The following MUL1 variants were observed in gnomAD, a reference collection of about 807,000 sequenced individuals.
MUL1 encodes mitochondrial ubiquitin ligase activator of NFKB 1.
Under a neutral mutation model 34.1 loss-of-function variants are expected in MUL1, and 30 were observed. The ratio of observed to expected loss-of-function variants is 0.88; its 90% CI spans 0.66 to 1.19. The LOEUF (loss-of-function observed/expected upper bound fraction) is 1.19, where lower values mean the gene tolerates loss of function less well. Ranked by LOEUF, MUL1 falls within the 50% of genes most tolerant of loss-of-function variation. The pLI is 0.00. For missense variants in MUL1, 419 were observed against 450.5 expected (o/e 0.93, Z 0.63); for synonymous variants, 191 against 187.8 (o/e 1.02, Z -0.14).
At chr1:20,506,761 A>G (rs2051718186) in intron 1 of MUL1, among the ~76,000 whole-genome samples, 1 of 152,116 alleles carries the variant, frequency 6.6e-6, no homozygotes, top group Admixed American at 6.5e-5. Context: ...GAGGCAGGAA[A>G]ATCACTTGAA....
chr1:20,501,207 C>T lies in MUL1; in HGVS notation c.542G>A (p.Gly181Asp). 3 of 1,614,168 alleles carry T rather than the reference C, an allele frequency of 1.9e-6. No individual in the cohort carries two copies. The highest frequency in any genetic ancestry group is 8.5e-7 in the Non-Finnish European group (1 of 1,180,028). ...GHYISGERPK[G>D]IQETEEMLKV... The stretch of plus-strand genomic sequence containing the variant: ...CAGCATCTCCTCGGTCTCTTGGATG[C>T]CTTTGGGCCGCTCACCGCTGATGTA... Residue 181 changes from glycine to aspartate, a missense_variant, in exon 4 of 4, where the codon GGC (glycine) becomes GAC (aspartate). Physicochemically the swap from Gly to Asp is moderately conservative, Grantham distance 94. Coordinates refer to ENST00000264198, the MANE Select transcript of MUL1 (RefSeq NM_024544.3). This position sits in a 1 kb window ranked among gnomAD's most constrained non-coding sequence, Gnocchi z 4.2.
chr1:20,503,031 G>C (rs2051678939), intron 2 of MUL1, among the ~76,000 whole-genome samples, 191 bp downstream of exon 2: 1 of 152,084 alleles, frequency 6.6e-6, no homozygotes. Flanking sequence ...TTCGAGATCA[G>C]GCAACAGTGG....
At chr1:20,506,153 A>C (rs1007558079) in intron 1 of MUL1, among the ~76,000 whole-genome samples, 1 of 152,160 alleles carries the variant, frequency 6.6e-6, no homozygotes, top group African/African-American at 2.4e-5. Flanking sequence ...ATTAGTTTCT[A>C]AACCCTTACT....
chr1:20,503,382 A>C (rs751656858), intron 1 of MUL1, 73 bp from the exon 2 acceptor site: 58 of 851,690 alleles, frequency 6.8e-5, no homozygotes, highest in Non-Finnish European at 1.0e-4. Context: ...ACAGGCAAAA[A>C]AAAGAAAAAG....
intron 2 of MUL1, among the ~76,000 whole-genome samples, chr1:20,502,813 C>T (rs1276304300): frequency 6.6e-6 from 1 of 151,994 alleles, no homozygotes; most frequent in Non-Finnish European, 1.5e-5. Context: ...GGATTACAGG[C>T]ATGAGCTACC....
At chr1:20,507,872 C>G (rs770033353) in intron 1 of MUL1, 33 bp downstream of exon 1, 10 of 1,589,118 alleles carry the variant, frequency 6.3e-6, no homozygotes, top group African/African-American at 1.3e-5. Context: ...ACAGAGATGA[C>G]CCGGCTGAGG....
chr1:20,501,059 C>T lies in MUL1; in HGVS notation c.690G>A (p.Leu230=). 3.1e-6 allele frequency: 5 copies of T among 1,614,170 alleles called. No individual in the cohort carries two copies. Among genetic ancestry groups the T allele is most frequent in the Non-Finnish European group, 4.2e-6 (5 of 1,180,046 alleles). The change falls in exon 4 of 4, where the codon CTG becomes CTA. Residue 230 remains leucine, a synonymous_variant. Transcript: ENST00000264198. This position sits in a 1 kb window ranked among gnomAD's most constrained non-coding sequence, Gnocchi z 4.2. The stretch of plus-strand genomic sequence containing the variant: ...GCCTGACGCTCGACTCCTGCCTCTG[C>T]AGCAGGCTGTCGAAGTCCTGGCTGC... The part of the protein sequence containing the change: ...YLSSQDFDSL[L]QRQESSVRLW...
At position 20,503,158 on chromosome 1, in the gene MUL1, G is replaced by A; in HGVS notation, c.208+64C>T. On this transcript the variant is annotated intron_variant, in intron 2 of 3. Transcript: ENST00000264198. ...ACAAAAGGCTCTTCATATTAGCCAA[G>A]ATGATCTTTATCAATCTTTTGGGAA... is the stretch of plus-strand genomic sequence containing the variant. 5 of 1,207,928 alleles carry A rather than the reference G, an allele frequency of 4.1e-6. No individual in the cohort carries two copies. In the South Asian group the frequency reaches 6.6e-5, roughly 16 times the overall value. 74.8% of individuals were successfully genotyped at this position (1,207,928 alleles called of 1,614,324 possible).
At chr1:20,503,628 C>T (rs1278162763) in intron 1 of MUL1, among the ~76,000 whole-genome samples, 1 of 152,212 alleles carries the variant, frequency 6.6e-6, no homozygotes, top group East Asian at 1.9e-4. Flanking sequence ...TTACATACCA[C>T]AGACTGAACA....
chr1:20,503,393 ATTCT>A, intron 1 of MUL1, 84 bp from the exon 2 acceptor site: 1 of 797,034 alleles, frequency 1.3e-6, no homozygotes, highest in Non-Finnish European at 2.0e-6. Flanking sequence ...AAAGAAAAAG[ATTCT>A]ATTTTTTTCG....
rs1179465494 is a variant in MUL1, at chr1:20,499,664, C to T, written c.*1026G>A. 1 of 152,196 alleles carries T rather than the reference C, an allele frequency of 6.6e-6. No homozygotes were observed. The highest frequency in any genetic ancestry group is 1.5e-5 in the Non-Finnish European group (1 of 68,060). 9.4% of individuals were successfully genotyped at this position (152,196 alleles called of 1,614,324 possible). ...CATCTGTCTTGCACTAAAAGGCTCACCAAGGGCAGGTGAGGGGCAAATGGT... is the reference window on the plus strand; with the variant it reads ...CATCTGTCTTGCACTAAAAGGCTCATCAAGGGCAGGTGAGGGGCAAATGGT... On this transcript the variant is annotated 3_prime_UTR_variant, in exon 4 of 4. Coordinates refer to ENST00000264198, the MANE Select transcript of MUL1 (RefSeq NM_024544.3).
Position 20,501,013 on chromosome 1 carries a change from C to A in MUL1, c.736G>T (p.Val246Phe). ...GTGGCACATGTGGCAAAGCCAAAAA[C>A]CAGCGCCAGCACCTTCCAGAGCCTG... ...SVRLWKVLAL[V>F]FGFATCATLF... is the part of the protein sequence containing the mutation. The change falls in exon 4 of 4, where the codon GTT becomes TTT. Residue 246 changes from valine to phenylalanine, a missense_variant. Physicochemically the swap from Val to Phe is conservative, Grantham distance 50. Transcript: ENST00000264198. This position sits in a 1 kb window ranked among gnomAD's most constrained non-coding sequence, Gnocchi z 4.2. 1 of 1,614,084 alleles carries A rather than the reference C, an allele frequency of 6.2e-7. No individual in the cohort carries two copies. The highest frequency in any genetic ancestry group is 1.1e-5 in the South Asian group (1 of 91,090).
In MUL1 at chr1:20,500,866, T is replaced by C. The variant is rs767810635; in HGVS notation, c.883A>G (p.Arg295Gly). 6.2e-7 allele frequency: 1 copy of C among 1,614,182 alleles called. No homozygotes were observed. Among genetic ancestry groups the C allele is most frequent in the Non-Finnish European group, 8.5e-7 (1 of 1,180,018 alleles). The change falls in exon 4 of 4, where the codon AGG becomes GGG. Residue 295 changes from arginine to glycine, a missense_variant. Arg to Gly is a moderately radical substitution (Grantham distance 125, BLOSUM62 -2). Coordinates refer to ENST00000264198, the MANE Select transcript of MUL1 (RefSeq NM_024544.3). ...ACACAGGCGCTCTTCAGACTCTCCC[T>C]GTCCTCAGGCTTGGCTCGGCTCAGC... ...QLLSRAKPED[R>G]ESLKSACVVC...
In MUL1 at chr1:20,505,428, A is replaced by C. The variant is rs1460875360; in HGVS notation, c.121-2119T>G. 2.0e-5 allele frequency among the ~76,000 whole-genome samples: 3 copies of C among 151,958 alleles called. No homozygotes were observed. In the East Asian group the frequency reaches 5.8e-4, roughly 29 times the overall value. ...GCAAGACCCCATCTCTATGAAAAAT[A>C]AAAAATTAGCTGGAGGTGGTGGTGT... On this transcript the variant is annotated intron_variant, in intron 1 of 3. Coordinates refer to ENST00000264198, the MANE Select transcript of MUL1 (RefSeq NM_024544.3).
At position 20,502,164 on chromosome 1, in the gene MUL1, CG is replaced by C; in HGVS notation, c.233del (p.Thr78SerfsTer13). ...AGTTTTCCACAAACTGGCTGTTAAG[CG>C]TTTCTTTAACAGACCGCACAGCTCC... ...IEGAVRSVKETLNSQFVENCK... is the reference protein window; with the variant it reads ...IEGAVRSVKEXLNSQFVENCK... On this transcript the variant is annotated frameshift_variant, in exon 3 of 4. Transcript: ENST00000264198. LOFTEE classifies it high-confidence loss of function. 6.2e-7 allele frequency: 1 copy of C among 1,614,124 alleles called. No individual in the cohort carries two copies. Among genetic ancestry groups the C allele is most frequent in the Non-Finnish European group, 8.5e-7 (1 of 1,180,018 alleles).
intron 1 of MUL1, among the ~76,000 whole-genome samples, chr1:20,504,792 G>A (rs2051697167): frequency 6.6e-6 from 1 of 152,196 alleles, no homozygotes; most frequent in African/African-American, 2.4e-5. Flanking sequence ...GAATAAGTAA[G>A]CATTTAAATA....
At chr1:20,505,582 C>CAAAAAAAAA (rs11338654) in intron 1 of MUL1, among the ~76,000 whole-genome samples, 5 of 57,156 alleles carry the variant, frequency 8.7e-5, no homozygotes, top group Admixed American at 2.4e-4. Flanking sequence ...GACCATGTCT[C>CAAAAAAAAA]AAAAAAAAAA....
intron 1 of MUL1, among the ~76,000 whole-genome samples, chr1:20,506,588 G>A (rs1570336746): frequency 6.6e-6 from 1 of 152,160 alleles, no homozygotes; most frequent in African/African-American, 2.4e-5. Context: ...AGTGGCTCAC[G>A]CCTGTAATCC....
At position 20,500,666 on chromosome 1, in the gene MUL1, T is replaced by TC; in HGVS notation, c.*23dup. 6.5e-7 allele frequency: 1 copy of TC among 1,529,948 alleles called. No homozygotes were observed. The highest frequency in any genetic ancestry group is 8.8e-7 in the Non-Finnish European group (1 of 1,137,392). The allele number at this position is 1,529,948 out of a possible 1,614,324, so 94.8% of individuals were successfully genotyped here. A position where few individuals can be genotyped will look rare whatever the true frequency, so the allele number is the denominator to read the frequency against. On this transcript the variant is annotated 3_prime_UTR_variant, in exon 4 of 4. Coordinates refer to ENST00000264198, the MANE Select transcript of MUL1 (RefSeq NM_024544.3). ...AAAAGGGGGCAGGGGTGCTTCCAGG[T>TC]CAAGCTGTGCGGCTTCCAAACTATT...
Sources: gnomAD v4.1 joint callset for allele counts (sites outside exome capture counted in the v4.1 genomes callset) on GRCh38, gnomAD v4.1.1 for gene constraint, Gnocchi (gnomAD v3.1) non-coding constraint, MANE v1.5 for transcripts, NCBI Gene and HGNC (gene_info 2026-07-23, HGNC 2026-07-21) for gene names.